Variants in BICRA observed in about 807,000 individuals in gnomAD.
BICRA encodes the protein BRD4-interacting chromatin-remodeling complex-associated protein.
In BICRA, 31 loss-of-function variants were observed where a neutral mutation model predicts 96.9. That is an observed-to-expected ratio of 0.32 (90% CI 0.24 to 0.43). BICRA has a LOEUF of 0.43. Ranked by LOEUF, BICRA falls within the 20% of genes least tolerant of loss-of-function variation. The pLI is 1.00. For synonymous variants in BICRA, 1,350 were observed against 1,071.8 expected (o/e 1.26, Z -5.07); for missense variants, 2,283 against 2,190.3 (o/e 1.04, Z -0.84).
intron 7 of BICRA, among the ~76,000 whole-genome samples, chr19:47,685,707 T>C (rs1973134847): frequency 6.6e-6 from 1 of 151,054 alleles, no homozygotes; most frequent in Non-Finnish European, 1.5e-5. Flanking sequence ...GAAGGAACTC[T>C]GTGCTCTCTG....
In BICRA at chr19:47,702,086, G is replaced by T. The variant is rs373460749; in HGVS notation, c.4354G>T (p.Ala1452Ser). 8.6e-6 allele frequency: 13 copies of T among 1,512,120 alleles called. No individual in the cohort carries two copies. The South Asian group carries it at 1.4e-4, about 16-fold the overall frequency. 93.7% of individuals were successfully genotyped at this position (1,512,120 alleles called of 1,614,324 possible). A position where few individuals can be genotyped will look rare whatever the true frequency, so the allele number is the denominator to read the frequency against. The change falls in exon 15 of 15, where the codon GCA (alanine) becomes TCA (serine). Residue 1452 changes from alanine (A) to serine (S), a missense_variant. Physicochemically the swap from Ala to Ser is moderately conservative, Grantham distance 99. Coordinates refer to ENST00000594866, the MANE Select transcript of BICRA (RefSeq NM_001394372.1). ...RMLKGPPPEP[A>S]ASAAQGTGDP... The stretch of plus-strand genomic sequence containing the variant: ...GCTGAAGGGCCCCCCGCCAGAGCCC[G>T]CAGCCAGCGCCGCCCAAGGCACCGG...
At chr19:47,688,989 G>A (rs1454037658) in intron 7 of BICRA, among the ~76,000 whole-genome samples, 3 of 151,764 alleles carry the variant, frequency 2.0e-5, no homozygotes, top group African/African-American at 2.4e-5. Flanking sequence ...CAGCAAGCCC[G>A]GCTAATTTTT....
In BICRA at chr19:47,675,573, C is replaced by A. The variant is rs541691833; in HGVS notation, c.85-278C>A. 5.3e-5 allele frequency among the ~76,000 whole-genome samples: 8 copies of A among 152,108 alleles called. No homozygotes were observed. Among genetic ancestry groups the A allele is most frequent in the African/African-American group, 9.7e-5 (4 of 41,426 alleles). On this transcript the variant is annotated intron_variant, in intron 4 of 14. Transcript: ENST00000594866. This position sits in a 1 kb window ranked among gnomAD's most constrained non-coding sequence, Gnocchi z 4.7. ...TGGCAGGGCGCAGCTTGGGCAGAGG[C>A]GTGAAGGCAGGATTCCGGAATTCGA...
chr19:47,695,716 T>C (rs1483436974), intron 10 of BICRA, among the ~76,000 whole-genome samples: 4 of 151,642 alleles, frequency 2.6e-5, no homozygotes. Context: ...CCAAGACTAC[T>C]GGCAACAGTG....
rs1486146194 is a variant in BICRA, at chr19:47,681,185, C to G, written c.2015C>G (p.Ser672Cys). The G allele has an allele frequency of 6.5e-7, 1 of 1,531,878 alleles. No individual in the cohort carries two copies. The highest frequency in any genetic ancestry group is 2.0e-5 in the Admixed American group (1 of 50,980). The allele number at this position is 1,531,878 out of a possible 1,614,324, so 94.9% of individuals were successfully genotyped here. The stretch of plus-strand genomic sequence containing the variant: ...CCCCAGCCCAGCCCTGGCCTGGCGT[C>G]TAGCCCGGAGAAGATCGTCCTGGGG... ...TTPQPSPGLA[S>C]SPEKIVLGQP... Residue 672 changes from serine (S) to cysteine (C), a missense_variant, in exon 6 of 15, where the codon TCT becomes TGT. Coordinates refer to ENST00000594866, the MANE Select transcript of BICRA (RefSeq NM_001394372.1).
chr19:47,694,119 C>T lies in BICRA; in HGVS notation c.2288C>T (p.Pro763Leu), dbSNP rs951901580. The change falls in exon 8 of 15, where the codon CCG becomes CTG. Residue 763 changes from proline to leucine, a missense_variant. Pro to Leu is a moderately conservative substitution (Grantham distance 98). Transcript: ENST00000594866. The part of the protein sequence containing the change: ...QASPAPAPQI[P>L]AAAPLKGPGP... ...CTCCCTCCCTCCCCTGCCCAGATCC[C>T]GGCAGCGGCTCCGCTGAAGGGCCCA... 9 of 1,500,704 alleles carry T rather than the reference C, an allele frequency of 6.0e-6. No homozygotes were observed. The highest frequency in any genetic ancestry group is 5.1e-5 in the East Asian group (2 of 39,234). 93.0% of individuals were successfully genotyped at this position (1,500,704 alleles called of 1,614,324 possible). A position where few individuals can be genotyped will look rare whatever the true frequency, so the allele number is the denominator to read the frequency against.
At position 47,682,090 on chromosome 19, in the gene BICRA, A is replaced by G; in HGVS notation, c.2221A>G (p.Lys741Glu). The G allele has an allele frequency of 3.3e-6, 4 of 1,223,700 alleles. No homozygotes were observed. The highest frequency in any genetic ancestry group is 4.2e-6 in the Non-Finnish European group (4 of 942,618). 75.8% of individuals were successfully genotyped at this position (1,223,700 alleles called of 1,614,324 possible). Residue 741 changes from lysine to glutamate, a missense_variant, in exon 7 of 15, where the codon AAA becomes GAA. By Grantham distance (56) the Lys-to-Glu change is moderately conservative. Transcript: ENST00000594866. ...QDPAPATPVA[K>E]GAGLGPQAPD... is the part of the protein sequence containing the mutation. ...CCCAGCCCCAGCCACCCCCGTCGCCAAAGGAGCTGGCCTCGGCCCTCAGGC... is the reference window on the plus strand; with the variant it reads ...CCCAGCCCCAGCCACCCCCGTCGCCGAAGGAGCTGGCCTCGGCCCTCAGGC...
rs1251939167 is a variant in BICRA, at chr19:47,648,685, T to TTG, written c.-107-21757_-107-21756insGT. 1.2e-4 allele frequency among the ~76,000 whole-genome samples: 18 copies of TTG among 148,908 alleles called. No homozygotes were observed. In the East Asian group the frequency reaches 3.6e-3, roughly 30 times the overall value. On this transcript the variant is annotated intron_variant, in intron 1 of 14. Coordinates refer to ENST00000594866, the MANE Select transcript of BICRA (RefSeq NM_001394372.1). Reference sequence around the variant, plus strand: ...TCAGGAGTTTTTTTTTTTTGTTTGTTTTTTTTTTTTTGAGACAGAGTCTTG... The same window carrying TTG: ...TCAGGAGTTTTTTTTTTTTGTTTGTTTGTTTTTTTTTTTGAGACAGAGTCTTG...
At chr19:47,612,778 G>A (rs761292714) in intron 1 of BICRA, among the ~76,000 whole-genome samples, 6 of 152,294 alleles carry the variant, frequency 3.9e-5, no homozygotes, top group East Asian at 1.9e-4. Flanking sequence ...CAAGCCAGAC[G>A]GCAGAGACTA....
chr19:47,632,622 G>A (rs1972237434), intron 1 of BICRA, among the ~76,000 whole-genome samples: 1 of 152,188 alleles, frequency 6.6e-6, no homozygotes, highest in Non-Finnish European at 1.5e-5. Context: ...GTGCCATGTT[G>A]GGGTGCAGTT....
chr19:47,642,434 C>T (rs1265963257), intron 1 of BICRA, among the ~76,000 whole-genome samples: 1 of 152,152 alleles, frequency 6.6e-6, no homozygotes, highest in Non-Finnish European at 1.5e-5. Context: ...GGCGCAGTGG[C>T]TCACACCTGT....
At chr19:47,655,117 A>G (rs1347442195) in intron 1 of BICRA, among the ~76,000 whole-genome samples, 1 of 152,220 alleles carries the variant, frequency 6.6e-6, no homozygotes, top group African/African-American at 2.4e-5. Context: ...AGCTGCAGTC[A>G]AGCAACGCCA....
chr19:47,674,828 C>A (rs550495284), intron 4 of BICRA, among the ~76,000 whole-genome samples: 1 of 152,214 alleles, frequency 6.6e-6, no homozygotes, highest in Non-Finnish European at 1.5e-5. Flanking sequence ...GAGGAACCCG[C>A]AGTGCCCTTA....
intron 1 of BICRA, among the ~76,000 whole-genome samples, chr19:47,634,319 C>T (rs1360341945): frequency 1.3e-5 from 2 of 152,154 alleles, no homozygotes; most frequent in East Asian, 3.8e-4. Flanking sequence ...CTAACTCGGG[C>T]CTGCCCTCGA....
chr19:47,613,627 A>G (rs1486168113), intron 1 of BICRA, among the ~76,000 whole-genome samples: 1 of 151,610 alleles, frequency 6.6e-6, no homozygotes, highest in East Asian at 1.9e-4. Flanking sequence ...ACCCCTTCAT[A>G]TCCCTCTGGT....
Position 47,701,415 on chromosome 19 carries a change from C to G in BICRA, c.3683C>G (p.Ser1228Trp). The change falls in exon 15 of 15, where the codon TCG (serine) becomes TGG (tryptophan). Residue 1228 changes from serine (S) to tryptophan (W), a missense_variant. Physicochemically the swap from Ser to Trp is radical, Grantham distance 177 (BLOSUM62 -3). Coordinates refer to ENST00000594866, the MANE Select transcript of BICRA (RefSeq NM_001394372.1). This position sits in a 1 kb window ranked among gnomAD's most constrained non-coding sequence, Gnocchi z 5.4. The stretch of plus-strand genomic sequence containing the variant: ...CGGCTTCCCGGCCACGGCCCCCTGT[C>G]GTCTTCAGCTCCCGGGGCCTCCACC... ...GHRLPGHGPL[S>W]SSAPGASTQP... is the part of the protein sequence containing the mutation. The G allele has an allele frequency of 6.3e-7, 1 of 1,595,522 alleles. No homozygotes were observed. Among genetic ancestry groups the G allele is most frequent in the Non-Finnish European group, 8.5e-7 (1 of 1,171,910 alleles).
At chr19:47,641,589 T>C (rs1218405967) in intron 1 of BICRA, among the ~76,000 whole-genome samples, 1 of 152,114 alleles carries the variant, frequency 6.6e-6, no homozygotes, top group African/African-American at 2.4e-5. Context: ...GTTGGAGCTA[T>C]GATCATGCCA....
At position 47,699,232 on chromosome 19, in the gene BICRA, C is replaced by A; in HGVS notation, c.3493-71C>A. 2 of 931,462 alleles carry A rather than the reference C, an allele frequency of 2.1e-6. No individual in the cohort carries two copies. Among genetic ancestry groups the A allele is most frequent in the South Asian group, 1.4e-5 (1 of 70,864 alleles). 57.7% of individuals were successfully genotyped at this position (931,462 alleles called of 1,614,324 possible). ...AGGACAGTTTGGACCTTGCACGCAT[C>A]GTCCCCGTCGCTCGCGCCCCTTCCC... On this transcript the variant is annotated intron_variant, in intron 13 of 14. Transcript: ENST00000594866. The surrounding 1 kb of genome is among the most constrained non-coding windows in gnomAD (Gnocchi z 5.0).
At chr19:47,635,739 C>T (rs1423261698) in intron 1 of BICRA, among the ~76,000 whole-genome samples, 2 of 152,140 alleles carry the variant, frequency 1.3e-5, no homozygotes, top group Non-Finnish European at 2.9e-5. Flanking sequence ...TTTTATTTAA[C>T]ACAGTAAAGG....
Sources: gnomAD v4.1 joint callset for allele counts (sites outside exome capture counted in the v4.1 genomes callset) on GRCh38, gnomAD v4.1.1 for gene constraint, Gnocchi (gnomAD v3.1) non-coding constraint, MANE v1.5 for transcripts, NCBI Gene and HGNC (gene_info 2026-07-23, HGNC 2026-07-21) for gene names.